Variants in ALDH7A1 observed in about 807,000 individuals in gnomAD.
The protein encoded by ALDH7A1 is alpha-aminoadipic semialdehyde dehydrogenase.
ALDH7A1 carries 63 observed loss-of-function variants against 79.9 expected under a neutral mutation model. That is an observed-to-expected ratio of 0.79 (90% CI 0.64 to 0.97). The LOEUF (loss-of-function observed/expected upper bound fraction) is 0.97, where lower values mean the gene tolerates loss of function less well. Among genes scored for constraint, ALDH7A1 ranks in the 50% least tolerant of loss-of-function variants. ALDH7A1 has a pLI of 0.00. For synonymous variants in ALDH7A1, 240 were observed against 231.2 expected (o/e 1.04, Z -0.34); for missense variants, 627 against 665.2 (o/e 0.94, Z 0.63).
At chr5:126,585,992 T>C (rs998014786) in intron 3 of ALDH7A1, 1 of 152,222 alleles carries the variant, frequency 6.6e-6, no homozygotes, top group Non-Finnish European at 1.5e-5. Flanking sequence ...AGCACATGAT[T>C]GGTTAATTAC....
chr5:126,562,378 CT>C (rs79534021), intron 9 of ALDH7A1: 45,760 of 144,472 alleles, frequency 0.32, 7,068 homozygotes, highest in African/African-American at 0.38. Flanking sequence ...CATTTTTGTA[CT>C]TTTTTTTTTT....
At chr5:126,548,129 C>A (rs1749854245) in intron 16 of ALDH7A1, among the ~76,000 whole-genome samples, 1 of 152,008 alleles carries the variant, frequency 6.6e-6, no homozygotes, top group South Asian at 2.1e-4. Flanking sequence ...CTACTTTTTC[C>A]ATTATAAGAC....
rs369516597 is a variant in ALDH7A1, at chr5:126,593,390, A to G, written c.207T>C (p.Tyr69=). ...CTATTGGCTCGTTGTTAGCAGGGCA[A>G]TAGGTCGTAATAACCTTAAAACAAA... The part of the protein sequence containing the change: ...WGGRGEVITT[Y]CPANNEPIAR... Residue 69 remains tyrosine, a synonymous_variant, in exon 2 of 18, where the codon TAT becomes TAC. Transcript: ENST00000409134. The G allele has an allele frequency of 3.7e-6, 6 of 1,613,692 alleles. No individual in the cohort carries two copies. Among genetic ancestry groups the G allele is most frequent in the Non-Finnish European group, 4.2e-6 (5 of 1,180,022 alleles).
At chr5:126,579,620 C>T (rs1426638972) in intron 5 of ALDH7A1, among the ~76,000 whole-genome samples, 1 of 151,384 alleles carries the variant, frequency 6.6e-6, no homozygotes, top group African/African-American at 2.4e-5. Context: ...GCCAAAGTTA[C>T]CCCAAAGTCT....
chr5:126,557,082 T>C (rs1200441431), intron 11 of ALDH7A1, among the ~76,000 whole-genome samples: 4 of 152,220 alleles, frequency 2.6e-5, no homozygotes, highest in Non-Finnish European at 5.9e-5. Context: ...TGTCATTTCA[T>C]ATTTTACCAT....
chr5:126,551,964 C>A, intron 14 of ALDH7A1, 57 bp downstream of exon 14: 2 of 1,345,466 alleles, frequency 1.5e-6, no homozygotes, highest in Admixed American at 1.7e-5. Flanking sequence ...AATCCACCAT[C>A]ATTTTCCTCT....
chr5:126,551,142 G>C (rs1192768889), intron 14 of ALDH7A1, among the ~76,000 whole-genome samples: 1 of 152,066 alleles, frequency 6.6e-6, no homozygotes. Context: ...TGGTCAGGCT[G>C]GTCTTGAGCA....
At chr5:126,568,402 G>C in intron 8 of ALDH7A1, 46 bp from the exon 9 acceptor site, 1 of 1,498,308 alleles carries the variant, frequency 6.7e-7, no homozygotes, top group Non-Finnish European at 9.3e-7. Context: ...GAGAAACCCA[G>C]CAATTACAAC....
chr5:126,570,908 T>A (rs770396911), intron 7 of ALDH7A1, 49 bp from the exon 8 acceptor site: 3 of 1,576,004 alleles, frequency 1.9e-6, no homozygotes, highest in Non-Finnish European at 2.6e-6. Flanking sequence ...GGCATTTTTT[T>A]AAAAACAAGG....
intron 16 of ALDH7A1, among the ~76,000 whole-genome samples, chr5:126,547,942 C>T (rs1280260365): frequency 1.3e-5 from 2 of 151,834 alleles, no homozygotes; most frequent in Non-Finnish European, 2.9e-5. Flanking sequence ...ATCCCAGCTA[C>T]TCACGAGGTT....
At chr5:126,553,157 C>T (rs543243895) in intron 13 of ALDH7A1, 1 of 152,250 alleles carries the variant, frequency 6.6e-6, no homozygotes, top group African/African-American at 2.4e-5. Context: ...ACAAAGTCTC[C>T]TACTGTACTT....
At chr5:126,560,927 G>A (rs1204323933) in intron 10 of ALDH7A1, among the ~76,000 whole-genome samples, 156 bp downstream of exon 10, 2 of 152,164 alleles carry the variant, frequency 1.3e-5, no homozygotes, top group Admixed American at 6.5e-5. Flanking sequence ...AAACAAGCTT[G>A]TGTCCTGTCT....
chr5:126,566,426 C>T (rs1750587032), intron 9 of ALDH7A1, among the ~76,000 whole-genome samples: 1 of 152,170 alleles, frequency 6.6e-6, no homozygotes, highest in Admixed American at 6.5e-5. Flanking sequence ...GTATCTCAAT[C>T]TTGAGTCCTG....
chr5:126,575,512 G>C, intron 6 of ALDH7A1, 48 bp from the exon 7 acceptor site: 2 of 1,537,266 alleles, frequency 1.3e-6, no homozygotes, highest in Non-Finnish European at 1.8e-6. Context: ...TTATTTGACG[G>C]AAACCATAAA....
At chr5:126,576,991 C>T in intron 6 of ALDH7A1, 88 bp downstream of exon 6, 1 of 1,551,134 alleles carries the variant, frequency 6.4e-7, no homozygotes, top group Non-Finnish European at 8.9e-7. Flanking sequence ...CACTTATAAT[C>T]CCAGTTACTG....
chr5:126,568,112 C>T (rs1750652713), intron 9 of ALDH7A1, 147 bp downstream of exon 9: 1 of 751,456 alleles, frequency 1.3e-6, no homozygotes, highest in East Asian at 2.6e-5. Context: ...CTGCTAATAA[C>T]TGTACCCTTT....
In ALDH7A1 at chr5:126,568,235, C is replaced by G. The variant is rs751019176; in HGVS notation, c.871+24G>C. On this transcript the variant is annotated intron_variant, in intron 9 of 17. Transcript: ENST00000409134. ...CCTCCATATTTGAGAGAATTAAAATCCTCATTAGAAAGCCAACACTTACCA... is the reference window on the plus strand; with the variant it reads ...CCTCCATATTTGAGAGAATTAAAATGCTCATTAGAAAGCCAACACTTACCA... 7 of 1,607,150 alleles carry G rather than the reference C, an allele frequency of 4.4e-6. No individual in the cohort carries two copies. The African/African-American group carries it at 8.0e-5, about 18-fold the overall frequency.
intron 11 of ALDH7A1, among the ~76,000 whole-genome samples, chr5:126,558,558 C>T (rs182170713): frequency 4.6e-5 from 7 of 152,204 alleles, no homozygotes; most frequent in Non-Finnish European, 7.4e-5. Context: ...GCCCTGTCGC[C>T]CAGGCTAGAG....
rs747597620 is a variant in ALDH7A1, at chr5:126,552,037, T to G, written c.1301A>C (p.Tyr434Ser). The G allele has an allele frequency of 6.2e-7, 1 of 1,613,052 alleles. No homozygotes were observed. Among genetic ancestry groups the G allele is most frequent in the East Asian group, 2.2e-5 (1 of 44,874 alleles). Residue 434 changes from tyrosine (Y) to serine (S), a missense_variant, in exon 14 of 18, where the codon TAT becomes TCT. Coordinates refer to ENST00000409134, the MANE Select transcript of ALDH7A1 (RefSeq NM_001182.5). Reference protein sequence around the residue: ...AHTETFAPILYVFKFKNEEEV... With the variant: ...AHTETFAPILSVFKFKNEEEV... ...CATTTTTACCTTGAATTTAAAGACA[T>G]AGAGAATCGGAGCAAAAGTCTCTGT...
Sources: gnomAD v4.1 joint callset for allele counts (sites outside exome capture counted in the v4.1 genomes callset) on GRCh38, gnomAD v4.1.1 for gene constraint, MANE v1.5 for transcripts, NCBI Gene and HGNC (gene_info 2026-07-23, HGNC 2026-07-21) for gene names.